The following C1orf21 variants were observed in gnomAD, a reference collection of about 807,000 sequenced individuals.
C1orf21 encodes uncharacterized protein C1orf21.
A neutral mutation model predicts 18.7 loss-of-function variants in C1orf21; 3 were observed. The ratio of observed to expected loss-of-function variants is 0.16; its 90% CI spans 0.07 to 0.42. The LOEUF (loss-of-function observed/expected upper bound fraction) is 0.42. Among genes scored for constraint, C1orf21 ranks in the 10% least tolerant of loss-of-function variants. C1orf21 has a pLI of 0.99. For synonymous variants in C1orf21, 41 were observed against 46.4 expected, an observed-to-expected ratio of 0.88 and a Z score of 0.47; for missense variants, 104 against 143.6, an observed-to-expected ratio of 0.72 and a Z score of 1.41.
intron 1 of C1orf21, among the ~76,000 whole-genome samples, chr1:184,390,643 C>G (rs941758842): frequency 3.9e-5 from 6 of 152,062 alleles, no homozygotes; most frequent in African/African-American, 1.5e-4. Flanking sequence ...GGAAGGGTTA[C>G]ATGATATATA....
chr1:184,396,012 G>A (rs1656044495), intron 1 of C1orf21, among the ~76,000 whole-genome samples: 1 of 152,106 alleles, frequency 6.6e-6, no homozygotes, highest in Admixed American at 6.5e-5. Context: ...AAGGGGTTTG[G>A]GGGCAGATGG....
At chr1:184,600,492 CT>C (rs1424147217) in intron 5 of C1orf21, among the ~76,000 whole-genome samples, 1 of 152,154 alleles carries the variant, frequency 6.6e-6, no homozygotes, top group African/African-American at 2.4e-5. Context: ...AATTGAAATT[CT>C]AACTCTTTTT....
chr1:184,400,318 T>A (rs1162460548), intron 1 of C1orf21, among the ~76,000 whole-genome samples: 1 of 152,172 alleles, frequency 6.6e-6, no homozygotes, highest in Non-Finnish European at 1.5e-5. Flanking sequence ...GAGCTGGTCA[T>A]TGTTTTTAGG....
rs1292044606 is a variant in C1orf21, at chr1:184,411,513, C to T, written c.-125+24145C>T. ...CTCGGCTCACTGCAAGCTCCGCCTC[C>T]CGGGTTCACGCCATTCTCCTGCCTC... On this transcript the variant is annotated intron_variant, in intron 1 of 5. Transcript: ENST00000235307. 5.3e-5 allele frequency among the ~76,000 whole-genome samples: 8 copies of T among 151,026 alleles called. 1 individual carries two copies. The highest frequency in any genetic ancestry group is 4.6e-4 in the Admixed American group (7 of 15,156).
At chr1:184,554,152 A>G (rs1658847860) in intron 3 of C1orf21, among the ~76,000 whole-genome samples, 1 of 152,206 alleles carries the variant, frequency 6.6e-6, no homozygotes, top group Non-Finnish European at 1.5e-5. Context: ...CTGTATACCA[A>G]TAATTTTGAT....
intron 2 of C1orf21, among the ~76,000 whole-genome samples, chr1:184,500,013 C>T (rs1657950078): frequency 6.6e-6 from 1 of 152,180 alleles, no homozygotes. Flanking sequence ...GAGAAGGACT[C>T]TTGGGAAATT....
chr1:184,422,433 C>A (rs1395066579), intron 1 of C1orf21, among the ~76,000 whole-genome samples: 1 of 152,128 alleles, frequency 6.6e-6, no homozygotes, highest in Admixed American at 6.6e-5. Context: ...ATAACAACAT[C>A]CCTAATGAGG....
intron 1 of C1orf21, among the ~76,000 whole-genome samples, chr1:184,425,527 G>A (rs932963419): frequency 5.9e-5 from 9 of 152,102 alleles, no homozygotes; most frequent in Admixed American, 4.6e-4. Flanking sequence ...CTCCCAAAGT[G>A]TTGGGATTAC....
intron 5 of C1orf21, among the ~76,000 whole-genome samples, chr1:184,603,079 C>G (rs1215397908): frequency 6.6e-6 from 1 of 152,178 alleles, no homozygotes; most frequent in East Asian, 1.9e-4. Flanking sequence ...AGTATAATTT[C>G]TGGGTTTTAA....
intron 5 of C1orf21, among the ~76,000 whole-genome samples, chr1:184,611,114 C>A (rs1288314930): frequency 3.9e-5 from 6 of 152,156 alleles, no homozygotes; most frequent in Non-Finnish European, 5.9e-5. Flanking sequence ...GAAACAATAA[C>A]ACGTGAGTCT....
In C1orf21 at chr1:184,412,627, G is replaced by A. The variant is rs115857775; in HGVS notation, c.-125+25259G>A. Among the ~76,000 whole-genome samples, 489 of 150,984 alleles carry A rather than the reference G, an allele frequency of 3.2e-3. 1 individual carries two copies. The highest frequency in any genetic ancestry group is 0.011 in the African/African-American group (465 of 40,590). ...ATTCTGTTATAGCCTGGGCAACATAGTGAGACCCCATCTCTGCAAAAAAGA... is the reference window on the plus strand; with the variant it reads ...ATTCTGTTATAGCCTGGGCAACATAATGAGACCCCATCTCTGCAAAAAAGA... On this transcript the variant is annotated intron_variant, in intron 1 of 5. Coordinates refer to ENST00000235307, the MANE Select transcript of C1orf21 (RefSeq NM_030806.4).
chr1:184,509,027 T>C (rs1389548722), intron 3 of C1orf21, among the ~76,000 whole-genome samples: 1 of 152,224 alleles, frequency 6.6e-6, no homozygotes, highest in African/African-American at 2.4e-5. Context: ...TTGATATAGT[T>C]TCAGCTTGAG....
At chr1:184,471,365 T>A (rs1657493468) in intron 1 of C1orf21, among the ~76,000 whole-genome samples, 1 of 152,222 alleles carries the variant, frequency 6.6e-6, no homozygotes, top group Non-Finnish European at 1.5e-5. Flanking sequence ...CTGAAAATTT[T>A]GAGGTTTCAG....
chr1:184,440,634 A>G (rs1656928974), intron 1 of C1orf21, among the ~76,000 whole-genome samples: 2 of 152,256 alleles, frequency 1.3e-5, no homozygotes, highest in South Asian at 2.1e-4. Flanking sequence ...CTTTGAAAGA[A>G]ATTTACTAAG....
chr1:184,584,476 G>A (rs188382983), intron 3 of C1orf21, among the ~76,000 whole-genome samples: 34 of 152,298 alleles, frequency 2.2e-4, no homozygotes, highest in African/African-American at 7.9e-4. Context: ...TGATGGGAAT[G>A]TAAAATGGTG....
chr1:184,571,219 C>G (rs1314897792), intron 3 of C1orf21, among the ~76,000 whole-genome samples: 1 of 146,478 alleles, frequency 6.8e-6, no homozygotes, highest in Non-Finnish European at 1.5e-5. Flanking sequence ...ATGGCGTGAA[C>G]CCGGGAGGCG....
chr1:184,536,427 C>A (rs1190372956), intron 3 of C1orf21, among the ~76,000 whole-genome samples: 1 of 152,136 alleles, frequency 6.6e-6, no homozygotes, highest in Non-Finnish European at 1.5e-5. Context: ...AAGGGGAAGA[C>A]ACACCCCCTC....
At chr1:184,567,097 G>T in intron 3 of C1orf21, 1 of 478,950 alleles carries the variant, frequency 2.1e-6, no homozygotes. Flanking sequence ...AGGTGGCACA[G>T]TACTATGAAG....
At chr1:184,455,617 T>C (rs547913371) in intron 1 of C1orf21, among the ~76,000 whole-genome samples, 1 of 152,306 alleles carries the variant, frequency 6.6e-6, no homozygotes, top group African/African-American at 2.4e-5. Flanking sequence ...ATTACCTTTC[T>C]AGGATTGCTA....
Sources: allele counts gnomAD v4.1 joint callset (sites outside exome capture counted in the v4.1 genomes callset), GRCh38; gene constraint gnomAD v4.1.1; transcripts MANE v1.5; gene names NCBI Gene and HGNC (gene_info 2026-07-23, HGNC 2026-07-21).